Variants in RNF17 observed in about 807,000 individuals in gnomAD.
RNF17 encodes the protein spermatogenesis associated 23.
Under a neutral mutation model 200.5 loss-of-function variants are expected in RNF17, and 31 were observed. That is an observed-to-expected ratio of 0.15 (90% confidence interval 0.12 to 0.21). The LOEUF (loss-of-function observed/expected upper bound fraction) is 0.21, where lower values mean the gene tolerates loss of function less well. RNF17 is among the 10% of genes least tolerant of loss of function. RNF17 has a pLI of 1.00. For synonymous variants in RNF17, 606 were observed against 637.8 expected (o/e 0.95, Z 0.75); for missense variants, 1,628 against 1,905.1 (o/e 0.85, Z 2.71).
chr13:24,800,309 A>G, intron 12 of RNF17, 57 bp from the exon 13 acceptor site: 2 of 1,280,406 alleles, frequency 1.6e-6, no homozygotes, highest in Non-Finnish European at 2.2e-6. Flanking sequence ...CTGTGGGGGA[A>G]AACAAATTTA....
At chr13:24,749,000 C>T in the RNF17 span, among the ~76,000 whole-genome samples, 1 of 152,104 alleles carries the variant, frequency 6.6e-6, no homozygotes, top group Non-Finnish European at 1.5e-5. Context: ...ATGATCCACC[C>T]ACCTTGGCCT....
chr13:24,810,493 G>C lies in RNF17; in HGVS notation c.2091+6064G>C, dbSNP rs1464367029. Among the ~76,000 whole-genome samples, 224 of 138,272 alleles carry C rather than the reference G, an allele frequency of 1.6e-3. 1 individual carries two copies. Among genetic ancestry groups the C allele is most frequent in the African/African-American group, 5.9e-3 (208 of 35,196 alleles). The allele number at this position is 138,272 out of a possible 152,430, so 90.7% of individuals were successfully genotyped here. Reference sequence around the variant, plus strand: ...GCCTTTTTTTGTTTTCCATTTGCTTGGTAGATCTTCCTCCATCCTTTTATT... The same window carrying C: ...GCCTTTTTTTGTTTTCCATTTGCTTCGTAGATCTTCCTCCATCCTTTTATT... On this transcript the variant is annotated intron_variant, in intron 15 of 35. Transcript: ENST00000255324.
intron 19 of RNF17, 74 bp from the exon 20 acceptor site, chr13:24,843,670 A>G (rs1390441722): frequency 2.4e-6 from 2 of 848,530 alleles, no homozygotes; most frequent in African/African-American, 3.4e-5. Flanking sequence ...CATCACAGTC[A>G]AGATACAGAC....
chr13:24,802,545 T>C lies in RNF17; in HGVS notation c.1923T>C (p.Asp641=). 6.2e-7 allele frequency: 1 copy of C among 1,607,590 alleles called. No homozygotes were observed. Among genetic ancestry groups the C allele is most frequent in the Non-Finnish European group, 8.5e-7 (1 of 1,178,214 alleles). The change falls in exon 14 of 36, where the codon GAT becomes GAC. Residue 641 remains aspartate, a synonymous_variant. Coordinates refer to ENST00000255324, the MANE Select transcript of RNF17 (RefSeq NM_031277.3). ...GTGATATGCCTGTGTCTCTTAGAGA[T>C]GCGCTAGTTTTTATGGAACTAGCAA... ...ISSDMPVSLR[D]ALVFMELAKF... is the part of the protein sequence containing the mutation.
intron 34 of RNF17, among the ~76,000 whole-genome samples, chr13:24,877,404 C>A (rs1403962181): frequency 6.6e-6 from 1 of 152,022 alleles, no homozygotes; most frequent in Non-Finnish European, 1.5e-5. Flanking sequence ...CTGCTTACCC[C>A]TGTGGTGATA....
chr13:24,824,007 C>G (rs1888367603), intron 15 of RNF17, among the ~76,000 whole-genome samples: 1 of 152,196 alleles, frequency 6.6e-6, no homozygotes, highest in Non-Finnish European at 1.5e-5. Context: ...AAGTTCTGGT[C>G]TGTTCCCTCT....
chr13:24,753,783 C>A, the RNF17 span, among the ~76,000 whole-genome samples: 1 of 152,088 alleles, frequency 6.6e-6, no homozygotes, highest in East Asian at 1.9e-4. Flanking sequence ...TTTTTTGAGA[C>A]AGTCTTGCTC....
At chr13:24,814,623 C>T (rs1887165570) in intron 15 of RNF17, among the ~76,000 whole-genome samples, 1 of 152,202 alleles carries the variant, frequency 6.6e-6, no homozygotes, top group Non-Finnish European at 1.5e-5. Context: ...GTTGAAAACA[C>T]TGTCTTTTCC....
downstream of RNF17, among the ~76,000 whole-genome samples, chr13:24,880,625 A>C (rs1006365399): frequency 1.3e-4 from 20 of 152,202 alleles, no homozygotes; most frequent in Non-Finnish European, 2.9e-4. Context: ...ATCTGTGTAC[A>C]TAATTTATCC....
chr13:24,760,266 A>C (rs893197488), upstream of RNF17, among the ~76,000 whole-genome samples: 1 of 152,224 alleles, frequency 6.6e-6, no homozygotes, highest in African/African-American at 2.4e-5. Flanking sequence ...AAAAATGATT[A>C]TGATAAAAAG....
At chr13:24,812,539 G>C (rs1243920702) in intron 15 of RNF17, among the ~76,000 whole-genome samples, 1 of 152,066 alleles carries the variant, frequency 6.6e-6, no homozygotes. Flanking sequence ...TGCGCCCACT[G>C]TCTGGCACTC....
At chr13:24,768,287 C>CTTTTTTT (rs34718905) in intron 2 of RNF17, among the ~76,000 whole-genome samples, 1 of 136,284 alleles carries the variant, frequency 7.3e-6, no homozygotes, top group Non-Finnish European at 1.5e-5. Context: ...CTGTAAATTC[C>CTTTTTTT]TTTTTTTTTT....
chr13:24,759,079 C>CAAAAAAAAAAAAAAAAAAAAAAAAAAA, the RNF17 span, among the ~76,000 whole-genome samples: 1 of 65,364 alleles, frequency 1.5e-5, no homozygotes, highest in Non-Finnish European at 2.7e-5. Flanking sequence ...ACTGTGTCTC[C>CAAAAAAAAAAAAAAAAAAAAAAAAAAA]AAAAAAAAAA....
chr13:24,846,603 G>T (rs1395001991), intron 22 of RNF17, among the ~76,000 whole-genome samples: 1 of 152,126 alleles, frequency 6.6e-6, no homozygotes, highest in African/African-American at 2.4e-5. Flanking sequence ...CTAGACCAGG[G>T]TATCCAAACT....
In RNF17 at chr13:24,781,736, G is replaced by A. The variant is rs149100281; in HGVS notation, c.511-108G>A. ...TTATATTATTATCTCTTTACCTCTT[G>A]TGTTATTTTGAAGAGTCTAGAAAGT... On this transcript the variant is annotated intron_variant, in intron 5 of 35. Transcript: ENST00000255324. The A allele has an allele frequency of 7.5e-4, 502 of 669,748 alleles. 5 individuals are homozygous for A. The East Asian group carries it at 7.8e-3, about 10-fold the overall frequency. The allele number at this position is 669,748 out of a possible 1,614,324, so 41.5% of individuals were successfully genotyped here. A position where few individuals can be genotyped will look rare whatever the true frequency, so the allele number is the denominator to read the frequency against.
In RNF17 at chr13:24,867,398, T is replaced by G. The variant is rs534930341; in HGVS notation, c.4161+1195T>G. ...ATTTTGATGAAGTCCAATTTATCTG[T>G]TTTTTTTCTTTTGTCACTTGGACTT... is the stretch of plus-strand genomic sequence containing the variant. On this transcript the variant is annotated intron_variant, in intron 30 of 35. Transcript: ENST00000255324. Among the ~76,000 whole-genome samples, 4 of 152,102 alleles carry G rather than the reference T, an allele frequency of 2.6e-5. 1 individual carries two copies. The highest frequency in any genetic ancestry group is 1.3e-4 in the Admixed American group (2 of 15,274).
intron 15 of RNF17, among the ~76,000 whole-genome samples, chr13:24,809,469 T>C (rs1886319366): frequency 1.3e-5 from 2 of 152,244 alleles, no homozygotes; most frequent in Admixed American, 1.3e-4. Context: ...TTTGTATTTC[T>C]GTGGGATCGG....
chr13:24,759,986 C>T (rs531373504), upstream of RNF17, among the ~76,000 whole-genome samples: 1 of 151,998 alleles, frequency 6.6e-6, no homozygotes, highest in East Asian at 1.9e-4. Context: ...ACTAAAAATA[C>T]AAAAAATTAG....
chr13:24,883,352 A>ATGAG (rs763553181), downstream of RNF17: 5 of 1,608,338 alleles, frequency 3.1e-6, no homozygotes, highest in South Asian at 2.2e-5. Context: ...ATTAAACTCT[A>ATGAG]TGAGTTTGTT....
Sources: allele counts gnomAD v4.1 joint callset (sites outside exome capture counted in the v4.1 genomes callset), GRCh38; gene constraint gnomAD v4.1.1; transcripts MANE v1.5; gene names NCBI Gene and HGNC (gene_info 2026-07-23, HGNC 2026-07-21).